MTR: variants seen among roughly 807,000 people sequenced by gnomAD.
MTR encodes 5-methyltetrahydrofolate-homocysteine methyltransferase.
A neutral mutation model predicts 154.8 loss-of-function variants in MTR; 84 were observed. The observed-to-expected ratio is 0.54, with a 90% confidence interval of 0.45 to 0.65. The LOEUF (loss-of-function observed/expected upper bound fraction) is 0.65, where lower values mean the gene tolerates loss of function less well. Among genes scored for constraint, MTR ranks in the 30% least tolerant of loss-of-function variants. The probability of loss-of-function intolerance (pLI) is 0.00; values close to 1 mark genes in which losing one functional copy is unlikely to be tolerated. For missense variants in MTR, 1,275 were observed against 1,570.2 expected (o/e 0.81, Z 3.18); for synonymous variants, 554 against 553.9 (o/e 1.00, Z 0.00).
At chr1:236,799,808 T>G (rs1345179635) in intron 1 of MTR, among the ~76,000 whole-genome samples, 1 of 151,964 alleles carries the variant, frequency 6.6e-6, no homozygotes, top group African/African-American at 2.4e-5. Flanking sequence ...TTTTTTAAAT[T>G]AAGAGGTTGG....
chr1:236,840,052 A>G (rs1319998068), intron 15 of MTR, among the ~76,000 whole-genome samples: 1 of 152,196 alleles, frequency 6.6e-6, no homozygotes, highest in Non-Finnish European at 1.5e-5. Flanking sequence ...ATGGGGACAT[A>G]CTGACAATGA....
At chr1:236,838,946 C>T (rs139981124) in intron 15 of MTR, among the ~76,000 whole-genome samples, 11 of 152,162 alleles carry the variant, frequency 7.2e-5, no homozygotes, top group East Asian at 5.8e-4. Context: ...AGCATGTTAC[C>T]GTACTGAATA....
At chr1:236,897,335 C>CACACACACACACAT (rs1666716581) in intron 32 of MTR, among the ~76,000 whole-genome samples, 1 of 151,134 alleles carries the variant, frequency 6.6e-6, no homozygotes, top group Admixed American at 6.6e-5. Flanking sequence ...CACACACACA[C>CACACACACACACAT]ACACACACAT....
At position 236,886,372 on chromosome 1, in the gene MTR, G is replaced by C; in HGVS notation, c.2851+5G>C. 4 of 1,613,930 alleles carry C rather than the reference G, an allele frequency of 2.5e-6. No homozygotes were observed. Among genetic ancestry groups the C allele is most frequent in the Non-Finnish European group, 3.4e-6 (4 of 1,179,814 alleles). ...GGCTGTCTGAACCTCACCCAGGTCT[G>C]TTTGGCTATGGACTAGAGAAAGACT... is the stretch of plus-strand genomic sequence containing the variant. On this transcript the variant is annotated splice_donor_5th_base_variant and intron_variant, in intron 27 of 32. Coordinates refer to ENST00000366577, the MANE Select transcript of MTR (RefSeq NM_000254.3).
chr1:236,880,294 A>G (rs1186918150), intron 24 of MTR, among the ~76,000 whole-genome samples: 2 of 152,184 alleles, frequency 1.3e-5, no homozygotes, highest in South Asian at 2.1e-4. Flanking sequence ...GATGTCTCCC[A>G]TGAATAGGGG....
chr1:236,852,377 C>G, intron 16 of MTR, 144 bp from the exon 17 acceptor site: 2 of 703,618 alleles, frequency 2.8e-6, no homozygotes, highest in Non-Finnish European at 5.0e-6. Context: ...TGGTCTATGT[C>G]TAGTAACAAG....
intron 22 of MTR, among the ~76,000 whole-genome samples, chr1:236,869,406 C>T (rs1281871331): frequency 1.3e-5 from 2 of 152,160 alleles, no homozygotes; most frequent in African/African-American, 4.8e-5. Flanking sequence ...TAATGTTGCC[C>T]AGGCTGGACT....
intron 1 of MTR, among the ~76,000 whole-genome samples, chr1:236,798,281 A>G (rs1660512944): frequency 6.6e-6 from 1 of 152,226 alleles, no homozygotes; most frequent in Non-Finnish European, 1.5e-5. Context: ...TGACACTGCA[A>G]TTTATAACTT....
chr1:236,845,951 C>A (rs1451469164), intron 15 of MTR, among the ~76,000 whole-genome samples: 1 of 152,162 alleles, frequency 6.6e-6, no homozygotes, highest in Non-Finnish European at 1.5e-5. Flanking sequence ...AAAAACAACT[C>A]CCTCAAATGG....
chr1:236,814,106 A>T (rs1661459157), intron 6 of MTR, among the ~76,000 whole-genome samples: 1 of 152,174 alleles, frequency 6.6e-6, no homozygotes, highest in South Asian at 2.1e-4. Flanking sequence ...TTTCTAAAAT[A>T]CTTGCAAGCA....
At chr1:236,827,002 G>T (rs771982541) in intron 11 of MTR, 106 bp downstream of exon 11, 32 of 1,011,948 alleles carry the variant, frequency 3.2e-5, no homozygotes, top group Non-Finnish European at 4.7e-5. Context: ...TCCAAAATTT[G>T]TATGTTGAAG....
At position 236,815,656 on chromosome 1, in the gene MTR, C is replaced by G; in HGVS notation, c.662C>G (p.Pro221Arg). 1 of 1,612,200 alleles carries G rather than the reference C, an allele frequency of 6.2e-7. No homozygotes were observed. The highest frequency in any genetic ancestry group is 8.5e-7 in the Non-Finnish European group (1 of 1,179,608). Reference protein sequence around the residue: ...NLFEEKYAPRPIFISGTIVDK... With the variant: ...NLFEEKYAPRRIFISGTIVDK... ...TTTGAGGAGAAATATGCTCCCCGGC[C>G]TATCTTTGTAAGTTCTAAAGTGTTT... The change falls in exon 7 of 33, where the codon CCT (proline) becomes CGT (arginine). Residue 221 changes from proline (P) to arginine (R), a missense_variant. Physicochemically the swap from Pro to Arg is moderately radical, Grantham distance 103. Transcript: ENST00000366577.
intron 1 of MTR, among the ~76,000 whole-genome samples, chr1:236,801,507 G>T (rs1660697762): frequency 6.6e-6 from 1 of 152,202 alleles, no homozygotes; most frequent in African/African-American, 2.4e-5. Flanking sequence ...ACGAGGCAGG[G>T]TTGTAAGTTT....
chr1:236,813,592 T>G (rs1057073475), intron 6 of MTR, among the ~76,000 whole-genome samples: 9 of 152,208 alleles, frequency 5.9e-5, no homozygotes, highest in African/African-American at 2.2e-4. Flanking sequence ...GGTACCTCAC[T>G]GTAGTTTTAA....
intron 15 of MTR, among the ~76,000 whole-genome samples, chr1:236,842,352 G>A (rs975006307): frequency 7.2e-5 from 11 of 152,192 alleles, no homozygotes; most frequent in Admixed American, 2.0e-4. Flanking sequence ...CACAGCTGCA[G>A]TGGTAGGAAG....
At chr1:236,835,182 CACAGAGGTGGGA>C (rs1359559638) in intron 13 of MTR, among the ~76,000 whole-genome samples, 1 of 151,772 alleles carries the variant, frequency 6.6e-6, no homozygotes, top group Non-Finnish European at 1.5e-5. Flanking sequence ...TGATCTGCAG[CACAGAGGTGGGA>C]ACAGATTTGG....
chr1:236,838,528 T>C lies in MTR; in HGVS notation c.1444T>C (p.Leu482=). 6.2e-7 allele frequency: 1 copy of C among 1,614,136 alleles called. No homozygotes were observed. Among genetic ancestry groups the C allele is most frequent in the East Asian group, 2.2e-5 (1 of 44,876 alleles). Residue 482 remains leucine (L), a synonymous_variant, in exon 15 of 33, where the codon TTG becomes CTG. Coordinates refer to ENST00000366577, the MANE Select transcript of MTR (RefSeq NM_000254.3). ...TCTGAAGGAAGGAGAGGACGACTTC[T>C]TGGAGAAGGCCAGGAAGATTAAAAA... ...ISLKEGEDDF[L]EKARKIKKYG... is the part of the protein sequence containing the mutation.
intron 6 of MTR, among the ~76,000 whole-genome samples, chr1:236,813,477 A>C (rs1231157262): frequency 6.6e-6 from 1 of 152,168 alleles, no homozygotes; most frequent in African/African-American, 2.4e-5. Context: ...GACTGGACTC[A>C]TTTATACTCC....
At position 236,902,960 on chromosome 1, in the gene MTR, C is replaced by G. The variant is rs1280630544; in HGVS notation, c.*5316C>G. On this transcript the variant is annotated 3_prime_UTR_variant, in exon 33 of 33. Coordinates refer to ENST00000366577, the MANE Select transcript of MTR (RefSeq NM_000254.3). ...GGTGTGTGTATAAGGAAATATACAC[C>G]AGTATATGCATTAAAACGTCAAGAA... is the stretch of plus-strand genomic sequence containing the variant. 2 of 152,010 alleles carry G rather than the reference C, an allele frequency of 1.3e-5. No homozygotes were observed. Among genetic ancestry groups the G allele is most frequent in the African/African-American group, 2.4e-5 (1 of 41,350 alleles). The allele number at this position is 152,010 out of a possible 1,614,324, so 9.4% of individuals were successfully genotyped here.
Sources: gnomAD v4.1 joint callset for allele counts (sites outside exome capture counted in the v4.1 genomes callset) on GRCh38, gnomAD v4.1.1 for gene constraint, MANE v1.5 for transcripts, NCBI Gene and HGNC (gene_info 2026-07-23, HGNC 2026-07-21) for gene names.